SEC16A: variants seen among roughly 807,000 people sequenced by gnomAD.
SEC16A encodes the protein SEC16 homolog A, endoplasmic reticulum export factor.
In SEC16A, 110 loss-of-function variants were observed where a neutral mutation model predicts 221.9. That is an observed-to-expected ratio of 0.50 (90% confidence interval 0.42 to 0.58). SEC16A has a LOEUF of 0.58. Ranked by LOEUF, SEC16A falls within the 20% of genes least tolerant of loss-of-function variation. SEC16A has a pLI of 0.00. For synonymous variants in SEC16A, 1,393 were observed against 1,257.7 expected (o/e 1.11, Z -2.28); for missense variants, 3,165 against 3,097.8 (o/e 1.02, Z -0.52).
Position 136,447,091 on chromosome 9 carries a change from C to G in SEC16A, c.6697+136G>C, listed in dbSNP as rs1244117114. ...AACAGGCAAATCAAAAAAAAAACCA[C>G]AAACCAACCCCAGGCTCTCTGCATG... On this transcript the variant is annotated intron_variant, in intron 27 of 31. Transcript: ENST00000684901. The surrounding 1 kb of genome is among the most constrained non-coding windows in gnomAD (Gnocchi z 5.5). 1.3e-6 allele frequency: 2 copies of G among 1,514,784 alleles called. No individual in the cohort carries two copies. The highest frequency in any genetic ancestry group is 8.8e-7 in the Non-Finnish European group (1 of 1,132,924). The allele number at this position is 1,514,784 out of a possible 1,614,324, so 93.8% of individuals were successfully genotyped here.
chr9:136,448,352 C>T, intron 23 of SEC16A, 191 bp from the exon 24 acceptor site: 1 of 704,954 alleles, frequency 1.4e-6, no homozygotes, highest in Non-Finnish European at 2.6e-6. Flanking sequence ...GGGAGCAGAT[C>T]CACAGAGACA....
In SEC16A at chr9:136,459,332, C is replaced by T. The variant is rs117058801; in HGVS notation, c.5304-93G>A. 6.1e-4 allele frequency: 867 copies of T among 1,416,440 alleles called. 14 individuals carry two copies. The East Asian group carries it at 0.02, about 32-fold the overall frequency. 87.7% of individuals were successfully genotyped at this position (1,416,440 alleles called of 1,614,324 possible). The stretch of plus-strand genomic sequence containing the variant: ...CAAATCATCCAGAAGTGTGTCCCAC[C>T]ACGTGACAAATAAAGACATGATTCT... On this transcript the variant is annotated intron_variant, in intron 16 of 31. Transcript: ENST00000684901. The surrounding 1 kb of genome is among the most constrained non-coding windows in gnomAD (Gnocchi z 6.1).
At chr9:136,480,166 T>C (rs1186199659) in intron 1 of SEC16A, among the ~76,000 whole-genome samples, 1 of 152,228 alleles carries the variant, frequency 6.6e-6, no homozygotes, top group Non-Finnish European at 1.5e-5. Context: ...CATCTTCCTC[T>C]GATCTGTGCA....
intron 13 of SEC16A, 102 bp downstream of exon 13, chr9:136,461,075 T>C (rs1468777072): frequency 1.2e-6 from 1 of 859,630 alleles, no homozygotes; most frequent in Middle Eastern, 3.1e-4. Flanking sequence ...CACAGCACAG[T>C]CAAGTGAGAT....
intron 20 of SEC16A, among the ~76,000 whole-genome samples, chr9:136,454,940 C>A (rs1054345949): frequency 6.6e-6 from 1 of 152,048 alleles, no homozygotes. Flanking sequence ...TGGTCCACAG[C>A]GTGGGAGTGG....
rs938775819 is a variant in SEC16A at position 136,478,797 on chromosome 9, G to A, written c.-158C>T. 6.6e-6 allele frequency among the ~76,000 whole-genome samples: 1 copy of A among 151,968 alleles called. No homozygotes were observed. Among genetic ancestry groups the A allele is most frequent in the African/African-American group, 2.4e-5 (1 of 41,344 alleles). ...TGCAGTGAGCTATGATTATACCACC[G>A]CGGTCCAGCCTGGGCAACAGAGCAA... is the stretch of plus-strand genomic sequence containing the variant. On this transcript the variant is annotated 5_prime_UTR_variant, in exon 2 of 32. Coordinates refer to ENST00000684901, the MANE Select transcript of SEC16A (RefSeq NM_014866.2).
chr9:136,464,482 T>C lies in SEC16A; in HGVS notation c.4384A>G (p.Lys1462Glu), dbSNP rs1420947572. The stretch of plus-strand genomic sequence containing the variant: ...TCTGAAGGCAGATTGGGAATCACTT[T>C]GATAAGCTGACCGCCAGGGCCAAAC... ...ARFGPGGQLIKVIPNLPSEGQ... is the reference protein window; with the variant it reads ...ARFGPGGQLIEVIPNLPSEGQ... The change falls in exon 9 of 32, where the codon AAA (lysine) becomes GAA (glutamate). Residue 1462 changes from lysine to glutamate, a missense_variant. This residue lies in a region of SEC16A where 2,030 missense variants were observed against 1,923.1 expected (regional missense o/e 1.06). Coordinates refer to ENST00000684901, the MANE Select transcript of SEC16A (RefSeq NM_014866.2). 1.9e-6 allele frequency: 3 copies of C among 1,612,978 alleles called. No individual in the cohort carries two copies. In the Admixed American group the frequency reaches 5.0e-5, roughly 27 times the overall value.
chr9:136,455,790 C>A lies in SEC16A; in HGVS notation c.5668G>T (p.Gly1890Trp). Residue 1890 changes from glycine (G) to tryptophan (W), a missense_variant, in exon 20 of 32, where the codon GGG (glycine) becomes TGG (tryptophan). Coordinates refer to ENST00000684901, the MANE Select transcript of SEC16A (RefSeq NM_014866.2). ...CCATCCTGATGCCATACTCCAGCCC[C>A]CTCCTGAGGGAGAACAAGACCTGCC... ...LQQVERQIKE[G>W]AGVWHQDGAL... 6.3e-7 allele frequency: 1 copy of A among 1,595,850 alleles called. No homozygotes were observed. Among genetic ancestry groups the A allele is most frequent in the South Asian group, 1.1e-5 (1 of 88,056 alleles).
rs1837167102 is a variant in SEC16A at position 136,447,461 on chromosome 9, G to A, written c.6560-97C>T. On this transcript the variant is annotated intron_variant, in intron 26 of 31. Coordinates refer to ENST00000684901, the MANE Select transcript of SEC16A (RefSeq NM_014866.2). This position sits in a 1 kb window ranked among gnomAD's most constrained non-coding sequence, Gnocchi z 5.5. ...ACTGCGTCAGAGGAAAAGCACGCAG[G>A]GACGTGCGGGAAGCCACCTCCTCCC... 1 of 1,557,508 alleles carries A rather than the reference G, an allele frequency of 6.4e-7. No individual in the cohort carries two copies. The highest frequency in any genetic ancestry group is 1.2e-5 in the South Asian group (1 of 86,090).
intron 30 of SEC16A, among the ~76,000 whole-genome samples, chr9:136,444,593 A>G (rs1836683391): frequency 1.3e-5 from 2 of 152,200 alleles, no homozygotes; most frequent in African/African-American, 4.8e-5. Context: ...ACTGAACAGC[A>G]AAACCCCCTT....
At chr9:136,468,552 AT>A in intron 4 of SEC16A, 40 bp from the exon 5 acceptor site, 1 of 1,306,090 alleles carries the variant, frequency 7.7e-7, no homozygotes, top group African/African-American at 1.4e-5. Flanking sequence ...CAAATTACCT[AT>A]TTCTTAAAGT....
At chr9:136,465,733 G>A (rs550579422) in intron 8 of SEC16A, among the ~76,000 whole-genome samples, 34 of 152,300 alleles carry the variant, frequency 2.2e-4, no homozygotes, top group South Asian at 2.1e-3. Flanking sequence ...ACTTTAAAAC[G>A]CATGTCGGGG....
At chr9:136,472,662 A>T (rs1228455323) in intron 3 of SEC16A, among the ~76,000 whole-genome samples, 1 of 152,180 alleles carries the variant, frequency 6.6e-6, no homozygotes, top group African/African-American at 2.4e-5. Context: ...ATCACCAACC[A>T]ATTCGTGGCC....
At position 136,477,644 on chromosome 9, in the gene SEC16A, CT is replaced by C; in HGVS notation, c.-30del. ...TGAACCCTTGCACAAGTCGATGCTG[CT>C]TACAGAAGGAAGCAGGATATAGCTG... On this transcript the variant is annotated 5_prime_UTR_variant, in exon 3 of 32. Coordinates refer to ENST00000684901, the MANE Select transcript of SEC16A (RefSeq NM_014866.2). 1 of 1,567,874 alleles carries C rather than the reference CT, an allele frequency of 6.4e-7. No individual in the cohort carries two copies. Among genetic ancestry groups the C allele is most frequent in the South Asian group, 1.1e-5 (1 of 87,444 alleles).
chr9:136,466,024 C>A lies in SEC16A; in HGVS notation c.4241G>T (p.Ser1414Ile). The change falls in exon 8 of 32, where the codon AGT becomes ATT. Residue 1414 changes from serine to isoleucine, a missense_variant. This residue lies in a region of SEC16A where 2,030 missense variants were observed against 1,923.1 expected (regional missense o/e 1.06). Coordinates refer to ENST00000684901, the MANE Select transcript of SEC16A (RefSeq NM_014866.2). This position sits in a 1 kb window ranked among gnomAD's most constrained non-coding sequence, Gnocchi z 5.5. ...GCCATACTCTGGGAAGCCGGGGCCACTGCTGAAATTGCTGCGGTAGGTGCC... is the reference window on the plus strand; with the variant it reads ...GCCATACTCTGGGAAGCCGGGGCCAATGCTGAAATTGCTGCGGTAGGTGCC... ...AYGTYRSNFS[S>I]GPGFPEYGYP... The A allele has an allele frequency of 6.2e-7, 1 of 1,613,670 alleles. No individual in the cohort carries two copies. The highest frequency in any genetic ancestry group is 1.3e-5 in the African/African-American group (1 of 75,046).
At chr9:136,454,363 C>T (rs1838307688) in intron 20 of SEC16A, 36 bp from the exon 21 acceptor site, 6 of 1,535,602 alleles carry the variant, frequency 3.9e-6, no homozygotes, top group Non-Finnish European at 5.3e-6. Context: ...TCTGGGGTTA[C>T]TGAGGGTAGC....
chr9:136,469,067 C>T (rs1014668939), intron 4 of SEC16A, among the ~76,000 whole-genome samples: 5 of 152,116 alleles, frequency 3.3e-5, no homozygotes, highest in Admixed American at 1.3e-4. Flanking sequence ...CGAGGCTGGT[C>T]TCGAACACCT....
Position 136,477,373 on chromosome 9 carries a change from T to C in SEC16A, c.243A>G (p.Pro81=). The change falls in exon 3 of 32, where the codon CCA becomes CCG. Residue 81 remains proline (P), a synonymous_variant. Transcript: ENST00000684901. ...GGTGCTGAGAAAACCCTGCGGGGGC[T>C]GGGCCTTGCAAGACAGGTGGACTGC... ...SKSSPPVLQG[P]APAGFSQHPG... is the part of the protein sequence containing the mutation. 6.2e-7 allele frequency: 1 copy of C among 1,613,984 alleles called. No homozygotes were observed. Among genetic ancestry groups the C allele is most frequent in the South Asian group, 1.1e-5 (1 of 91,086 alleles).
chr9:136,454,219 G>A lies in SEC16A; in HGVS notation c.5966C>T (p.Pro1989Leu), dbSNP rs1199243422. 3.8e-6 allele frequency: 6 copies of A among 1,568,746 alleles called. No individual in the cohort carries two copies. The highest frequency in any genetic ancestry group is 1.9e-5 in the Admixed American group (1 of 52,784). ...CTCCAGGAAGCCAAGTGCAGGCCCT[G>A]GGGTCACACAGCCAGGACCCGGCTC... Reference protein sequence around the residue: ...PLEPGPGCVTPGPALGFLEPS... With the variant: ...PLEPGPGCVTLGPALGFLEPS... The change falls in exon 21 of 32, where the codon CCA becomes CTA. Residue 1989 changes from proline to leucine, a missense_variant. Pro to Leu is a moderately conservative substitution (Grantham distance 98). Around this residue, in one of 3 missense-constraint regions of SEC16A, gnomAD observed 1,088 missense variants for 1,089.6 expected, o/e 1.00. Transcript: ENST00000684901.
Sources: allele counts gnomAD v4.1 joint callset (sites outside exome capture counted in the v4.1 genomes callset), GRCh38; gene constraint gnomAD v4.1.1; regional missense constraint gnomAD v4.1.1; non-coding constraint Gnocchi (gnomAD v3.1); transcripts MANE v1.5; gene names NCBI Gene and HGNC (gene_info 2026-07-23, HGNC 2026-07-21).